Variants in GALC observed in about 807,000 individuals in gnomAD.
The protein encoded by GALC is galactosylceramidase, also known as galactocerebrosidase.
Under a neutral mutation model 91.8 loss-of-function variants are expected in GALC, and 77 were observed. The observed-to-expected ratio is 0.84, with a 90% CI of 0.70 to 1.01. The LOEUF (loss-of-function observed/expected upper bound fraction) is 1.01. Among genes scored for constraint, GALC ranks in the 50% least tolerant of loss-of-function variants. The pLI is 0.00. For missense variants in GALC, 882 were observed against 855.9 expected (o/e 1.03, Z -0.38); for synonymous variants, 357 against 306.7 (o/e 1.16, Z -1.71).
intron 10 of GALC, chr14:87,954,904 G>A (rs1595203327): frequency 1.3e-6 from 2 of 1,565,084 alleles, no homozygotes; most frequent in East Asian, 2.2e-5. Flanking sequence ...TTTAATGACT[G>A]TAGTTGATGG....
intron 6 of GALC, 158 bp from the exon 7 acceptor site, chr14:87,976,646 C>A: frequency 1.5e-6 from 1 of 647,438 alleles, no homozygotes; most frequent in South Asian, 1.8e-5. Context: ...ACAGAGGCTT[C>A]TCTCGTCGCC....
intron 6 of GALC, among the ~76,000 whole-genome samples, chr14:87,980,226 C>T (rs1886679492): frequency 6.6e-6 from 1 of 151,862 alleles, no homozygotes; most frequent in Non-Finnish European, 1.5e-5. Context: ...ACTAAAAATA[C>T]AAAAAAATTA....
chr14:87,934,531 C>G lies in GALC; in HGVS notation c.*201G>C. The G allele has an allele frequency of 6.9e-7, 1 of 1,444,126 alleles. No individual in the cohort carries two copies. Among genetic ancestry groups the G allele is most frequent in the Non-Finnish European group, 9.0e-7 (1 of 1,105,602 alleles). The allele number at this position is 1,444,126 out of a possible 1,614,324, so 89.5% of individuals were successfully genotyped here. On this transcript the variant is annotated 3_prime_UTR_variant, in exon 17 of 17. Coordinates refer to ENST00000261304, the MANE Select transcript of GALC (RefSeq NM_000153.4). ...AACACACCAGGTAATGTTAAAGATT[C>G]ACCAGTTTTCCCCTTGGAATTAATT...
At chr14:87,957,662 C>A (rs1270473461) in intron 10 of GALC, among the ~76,000 whole-genome samples, 2 of 152,028 alleles carry the variant, frequency 1.3e-5, no homozygotes, top group Non-Finnish European at 2.9e-5. Flanking sequence ...TTTCAAGTTA[C>A]AAAATCAATG....
intron 15 of GALC, 118 bp downstream of exon 15, chr14:87,941,277 T>C (rs1595189763): frequency 4.2e-6 from 3 of 715,172 alleles, no homozygotes; most frequent in Non-Finnish European, 4.9e-6. Flanking sequence ...CCTTCCCAAT[T>C]AGATGTCCAA....
chr14:87,960,108 G>C (rs954858206), intron 10 of GALC, among the ~76,000 whole-genome samples: 3 of 151,858 alleles, frequency 2.0e-5, no homozygotes, highest in African/African-American at 7.2e-5. Context: ...GCAGAAAGTA[G>C]AACAGTGGTT....
chr14:87,940,643 T>A lies in GALC; in HGVS notation c.1835-662A>T, dbSNP rs575799996. On this transcript the variant is annotated intron_variant, in intron 15 of 16. Coordinates refer to ENST00000261304, the MANE Select transcript of GALC (RefSeq NM_000153.4). ...ATTGGTAATGCTATGAATATGTAAC[T>A]CTTGTTCTAATATCCTTACTACCTA... Among the ~76,000 whole-genome samples the A allele has an allele frequency of 6.6e-4, 101 of 152,096 alleles. 1 individual carries two copies. The highest frequency in any genetic ancestry group is 2.3e-3 in the African/African-American group (94 of 41,558).
At chr14:87,953,461 C>G in intron 10 of GALC, 1 of 1,563,802 alleles carries the variant, frequency 6.4e-7, no homozygotes, top group Middle Eastern at 2.3e-4. Context: ...AGAAAATAGC[C>G]ACATTCACAT....
intron 4 of GALC, among the ~76,000 whole-genome samples, chr14:87,985,148 ATTATGT>A (rs1886916554): frequency 6.6e-6 from 1 of 152,180 alleles, no homozygotes; most frequent in Non-Finnish European, 1.5e-5. Flanking sequence ...AATAATCCTG[ATTATGT>A]TTAAGTAAAA....
rs10483988 is a variant in GALC, at chr14:87,968,213, C to T, written c.908+122G>A. 0.13 allele frequency: 107,166 copies of T among 798,674 alleles called. 8,144 individuals are homozygous for T. The highest frequency in any genetic ancestry group is 0.16 in the Non-Finnish European group (78,140 of 500,972). 49.5% of individuals were successfully genotyped at this position (798,674 alleles called of 1,614,324 possible). ...TAGGTATACAAATAGATGACGCTAA[C>T]AAGGCAAAATGTTTACAATCATTGA... On this transcript the variant is annotated intron_variant, in intron 8 of 16. Transcript: ENST00000261304.
chr14:87,947,846 G>A lies in GALC; in HGVS notation c.1371C>T (p.Ser457=), dbSNP rs2139956714. 1 of 1,612,436 alleles carries A rather than the reference G, an allele frequency of 6.2e-7. No homozygotes were observed. Among genetic ancestry groups the A allele is most frequent in the Non-Finnish European group, 8.5e-7 (1 of 1,178,984 alleles). Reference sequence around the variant, plus strand: ...GTGTGAACAGCTCATCTTCATGCAGGCTCAGTGTGAAACTGCCATCGCTGT... The same window carrying A: ...GTGTGAACAGCTCATCTTCATGCAGACTCAGTGTGAAACTGCCATCGCTGT... The part of the protein sequence containing the change: ...LLDSDGSFTL[S]LHEDELFTLT... The change falls in exon 13 of 17, where the codon AGC becomes AGT. Residue 457 remains serine (S), a synonymous_variant. Transcript: ENST00000261304.
At position 87,934,153 on chromosome 14, in the gene GALC, C is replaced by A; in HGVS notation, c.*579G>T. 1.4e-6 allele frequency: 2 copies of A among 1,422,516 alleles called. No homozygotes were observed. The highest frequency in any genetic ancestry group is 1.8e-6 in the Non-Finnish European group (2 of 1,091,114). The allele number at this position is 1,422,516 out of a possible 1,614,324, so 88.1% of individuals were successfully genotyped here. A position where few individuals can be genotyped will look rare whatever the true frequency, so the allele number is the denominator to read the frequency against. ...TTTATTAAAGAGGCATTTTTAAAAT[C>A]ATCCCACTCATCATATCCTGCATTT... is the stretch of plus-strand genomic sequence containing the variant. On this transcript the variant is annotated 3_prime_UTR_variant, in exon 17 of 17. Coordinates refer to ENST00000261304, the MANE Select transcript of GALC (RefSeq NM_000153.4).
intron 14 of GALC, among the ~76,000 whole-genome samples, chr14:87,945,208 C>G (rs988569312): frequency 6.6e-6 from 1 of 151,926 alleles, no homozygotes; most frequent in Non-Finnish European, 1.5e-5. Context: ...AATCAACTCT[C>G]CAGCAAAACA....
chr14:87,977,957 C>T (rs1886573009), intron 6 of GALC, among the ~76,000 whole-genome samples: 1 of 152,120 alleles, frequency 6.6e-6, no homozygotes, highest in Admixed American at 6.6e-5. Context: ...TGAACAGATC[C>T]TTTGTAGCAA....
At chr14:87,950,530 C>T in intron 11 of GALC, 129 bp downstream of exon 11, 1 of 642,526 alleles carries the variant, frequency 1.6e-6, no homozygotes, top group South Asian at 1.8e-5. Flanking sequence ...GACACCAGGG[C>T]CTCTGTCAAT....
At chr14:87,967,077 C>A (rs183781419) in intron 8 of GALC, among the ~76,000 whole-genome samples, 1 of 151,994 alleles carries the variant, frequency 6.6e-6, no homozygotes, top group African/African-American at 2.4e-5. Flanking sequence ...CTTCTTAAGG[C>A]AAGTCTGGGA....
intron 10 of GALC, chr14:87,952,702 T>G: frequency 6.6e-7 from 1 of 1,511,378 alleles, no homozygotes; most frequent in Non-Finnish European, 9.2e-7. Context: ...GGTCTCCAGA[T>G]CTTAGTGGTC....
intron 1 of GALC, among the ~76,000 whole-genome samples, chr14:87,992,052 A>G (rs1230633273): frequency 6.6e-6 from 1 of 152,166 alleles, no homozygotes; most frequent in Non-Finnish European, 1.5e-5. Context: ...GAATGAAAAC[A>G]TAAAAATCAA....
intron 5 of GALC, among the ~76,000 whole-genome samples, chr14:87,982,591 A>C (rs1371377950): frequency 6.6e-6 from 1 of 152,224 alleles, no homozygotes; most frequent in Non-Finnish European, 1.5e-5. Flanking sequence ...ACTAATAGAC[A>C]GGGAAACTGT....
Sources: gnomAD v4.1 joint callset for allele counts (sites outside exome capture counted in the v4.1 genomes callset) on GRCh38, gnomAD v4.1.1 for gene constraint, MANE v1.5 for transcripts, NCBI Gene and HGNC (gene_info 2026-07-23, HGNC 2026-07-21) for gene names.